ZMAT4: variants seen among roughly 807,000 people sequenced by gnomAD.
ZMAT4 encodes the protein zinc finger matrin-type 4.
A neutral mutation model predicts 28.7 loss-of-function variants in ZMAT4; 17 were observed. The ratio of observed to expected loss-of-function variants is 0.59; its 90% CI spans 0.41 to 0.89. The LOEUF (loss-of-function observed/expected upper bound fraction) is 0.89. Ranked by LOEUF, ZMAT4 falls within the 40% of genes least tolerant of loss-of-function variation. The probability of loss-of-function intolerance (pLI) is 0.00; values close to 1 mark genes in which losing one functional copy is unlikely to be tolerated. For synonymous variants in ZMAT4, 117 were observed against 109.2 expected, an observed-to-expected ratio of 1.07 and a Z score of -0.44; for missense variants, 240 against 283.8, an observed-to-expected ratio of 0.85 and a Z score of 1.11.
At chr8:40,666,153 CTG>C (rs937613721) in intron 5 of ZMAT4, among the ~76,000 whole-genome samples, 33 of 152,266 alleles carry the variant, frequency 2.2e-4, no homozygotes, top group Admixed American at 1.8e-3. Context: ...TGCCTTCTAT[CTG>C]TGTTTTATAC....
chr8:40,876,226 A>G (rs1818036677), intron 1 of ZMAT4, among the ~76,000 whole-genome samples: 1 of 152,180 alleles, frequency 6.6e-6, no homozygotes, highest in African/African-American at 2.4e-5. Flanking sequence ...ATGCCTCCTC[A>G]ACACGAAGAC....
At chr8:40,767,577 C>A in intron 3 of ZMAT4, 64 bp downstream of exon 3, 2 of 1,398,374 alleles carry the variant, frequency 1.4e-6, no homozygotes, top group Middle Eastern at 1.8e-4. Context: ...AATTCCTACA[C>A]CTGCAAAGTT....
chr8:40,667,955 T>G (rs1808499037), intron 5 of ZMAT4, among the ~76,000 whole-genome samples: 1 of 152,028 alleles, frequency 6.6e-6, no homozygotes, highest in South Asian at 2.1e-4. Context: ...TGCCCTCATA[T>G]TGAAAATGCA....
chr8:40,647,714 C>A (rs546079818), intron 5 of ZMAT4, among the ~76,000 whole-genome samples: 1 of 152,130 alleles, frequency 6.6e-6, no homozygotes, highest in African/African-American at 2.4e-5. Context: ...TCTCCCAGCA[C>A]GCAGCTGGAG....
chr8:40,726,637 T>C (rs1321516999), intron 3 of ZMAT4, among the ~76,000 whole-genome samples: 2 of 152,150 alleles, frequency 1.3e-5, no homozygotes, highest in African/African-American at 4.8e-5. Flanking sequence ...CAAACCATAG[T>C]CAGCAAACCC....
intron 1 of ZMAT4, chr8:40,884,959 G>C (rs1046941792): frequency 3.9e-5 from 6 of 152,116 alleles, no homozygotes; most frequent in African/African-American, 7.2e-5. Flanking sequence ...GGCTCTTTAA[G>C]AAAGAGTTTG....
At chr8:40,556,296 C>A (rs1199655933) in intron 6 of ZMAT4, among the ~76,000 whole-genome samples, 3 of 152,228 alleles carry the variant, frequency 2.0e-5, no homozygotes, top group Admixed American at 1.3e-4. Flanking sequence ...TTAAAAAGTT[C>A]TTCTTAATAA....
chr8:40,814,930 A>T (rs956679950), intron 2 of ZMAT4, among the ~76,000 whole-genome samples: 4 of 152,248 alleles, frequency 2.6e-5, no homozygotes, highest in African/African-American at 9.6e-5. Context: ...ACCAAAATAT[A>T]TCTACATCTA....
intron 6 of ZMAT4, among the ~76,000 whole-genome samples, chr8:40,560,480 GC>G (rs1803700989): frequency 6.6e-6 from 1 of 151,812 alleles, no homozygotes; most frequent in African/African-American, 2.4e-5. Context: ...ATATTTCAAT[GC>G]TTTAGCCTCC....
chr8:40,741,815 TA>T (rs1812015951), intron 3 of ZMAT4, among the ~76,000 whole-genome samples: 1 of 152,170 alleles, frequency 6.6e-6, no homozygotes, highest in South Asian at 2.1e-4. Flanking sequence ...GGAAACAACA[TA>T]AATTTTCAAT....
intron 3 of ZMAT4, among the ~76,000 whole-genome samples, chr8:40,730,471 A>T (rs1235000612): frequency 6.6e-6 from 1 of 152,242 alleles, no homozygotes; most frequent in Non-Finnish European, 1.5e-5. Context: ...TGAATGTGCC[A>T]TCCTATGATG....
chr8:40,801,658 G>A (rs1432254855), intron 2 of ZMAT4, among the ~76,000 whole-genome samples: 4 of 151,924 alleles, frequency 2.6e-5, no homozygotes, highest in South Asian at 2.1e-4. Flanking sequence ...CAACAAGAGC[G>A]AAACTCTGTC....
intron 5 of ZMAT4, among the ~76,000 whole-genome samples, chr8:40,672,255 C>T (rs1329143199): frequency 6.6e-6 from 1 of 152,084 alleles, no homozygotes; most frequent in African/African-American, 2.4e-5. Context: ...TATGGATTAG[C>T]ATTTTTGCCT....
chr8:40,557,826 G>A lies in ZMAT4; in HGVS notation c.674+23339C>T, dbSNP rs182993710. On this transcript the variant is annotated intron_variant, in intron 6 of 6. Coordinates refer to ENST00000297737, the MANE Select transcript of ZMAT4 (RefSeq NM_024645.3). Reference sequence around the variant, plus strand: ...TGCAGCTTTTACTCTATTTGTAAAAGAAGAGATAGATGATAGATGGATAGA... The same window carrying A: ...TGCAGCTTTTACTCTATTTGTAAAAAAAGAGATAGATGATAGATGGATAGA... Among the ~76,000 whole-genome samples the A allele has an allele frequency of 1.8e-3, 276 of 152,314 alleles. 3 individuals carry two copies. The highest frequency in any genetic ancestry group is 6.2e-3 in the African/African-American group (258 of 41,570).
At chr8:40,563,334 C>T (rs983460247) in intron 6 of ZMAT4, among the ~76,000 whole-genome samples, 3 of 152,132 alleles carry the variant, frequency 2.0e-5, no homozygotes, top group Non-Finnish European at 4.4e-5. Context: ...TTATTTTCGT[C>T]TATTAATTTG....
chr8:40,606,841 A>G (rs532579631), intron 5 of ZMAT4, among the ~76,000 whole-genome samples: 1 of 152,254 alleles, frequency 6.6e-6, no homozygotes, highest in South Asian at 2.1e-4. Context: ...AACACCAATA[A>G]TTCTTATGTT....
At position 40,693,426 on chromosome 8, in the gene ZMAT4, T is replaced by A. The variant is rs370605316; in HGVS notation, c.349+3819A>T. 1.1e-3 allele frequency among the ~76,000 whole-genome samples: 165 copies of A among 152,292 alleles called. 1 individual carries two copies. The highest frequency in any genetic ancestry group is 3.7e-3 in the African/African-American group (155 of 41,566). The stretch of plus-strand genomic sequence containing the variant: ...CCTGCTCTCAGTCACATCCTTTTCA[T>A]CAATCTCTATCCCAGGCACCTCCCC... On this transcript the variant is annotated intron_variant, in intron 4 of 6. Coordinates refer to ENST00000297737, the MANE Select transcript of ZMAT4 (RefSeq NM_024645.3).
rs1225083713 is a variant in ZMAT4 at position 40,601,487 on chromosome 8, AAGAAAGAG to A, written c.578-20234_578-20227del. Among the ~76,000 whole-genome samples, 17 of 146,674 alleles carry A rather than the reference AAGAAAGAG, an allele frequency of 1.2e-4. 1 individual carries two copies. The highest frequency in any genetic ancestry group is 2.4e-4 in the Non-Finnish European group (16 of 66,440). On this transcript the variant is annotated intron_variant, in intron 5 of 6. Transcript: ENST00000297737. ...AAGAAAGGAAAGAAAGAAAGAAAGAAAGAAAGAGAGAAAGAAAGAAAGAGAAAGAGAAA... is the reference window on the plus strand; with the variant it reads ...AAGAAAGGAAAGAAAGAAAGAAAGAAAGAAAGAAAGAAAGAGAAAGAGAAA...
chr8:40,763,137 G>A (rs1036890276), intron 3 of ZMAT4, among the ~76,000 whole-genome samples: 1 of 152,164 alleles, frequency 6.6e-6, no homozygotes, highest in Non-Finnish European at 1.5e-5. Flanking sequence ...GTCTATGGTA[G>A]CACTTATCAT....
Sources: gnomAD v4.1 joint callset for allele counts (sites outside exome capture counted in the v4.1 genomes callset) on GRCh38, gnomAD v4.1.1 for gene constraint, MANE v1.5 for transcripts, NCBI Gene and HGNC (gene_info 2026-07-23, HGNC 2026-07-21) for gene names.